Variants in SNX13 observed in about 807,000 individuals in gnomAD.
SNX13 encodes sorting nexin 13.
A neutral mutation model predicts 133.6 loss-of-function variants in SNX13; 45 were observed. The observed-to-expected ratio is 0.34, with a 90% CI of 0.27 to 0.43. SNX13 has a LOEUF of 0.43. Among genes scored for constraint, SNX13 ranks in the 20% least tolerant of loss-of-function variants. The pLI, the probability that SNX13 is intolerant of heterozygous loss-of-function variation, is 1.00. For missense variants in SNX13, 1,032 were observed against 1,145.1 expected (o/e 0.90, Z 1.43); for synonymous variants, 414 against 373.9 (o/e 1.11, Z -1.24).
chr7:17,891,399 G>A (rs1796610857), intron 4 of SNX13, 147 bp downstream of exon 4: 1 of 496,504 alleles, frequency 2.0e-6, no homozygotes, highest in African/African-American at 2.0e-5. Flanking sequence ...AATAAATAAG[G>A]AAGCATCTTC....
intron 1 of SNX13, among the ~76,000 whole-genome samples, chr7:17,939,528 G>C (rs1802517231): frequency 6.6e-6 from 1 of 152,144 alleles, no homozygotes; most frequent in Non-Finnish European, 1.5e-5. Flanking sequence ...TCTTCAAAAA[G>C]TCGGCTTTTT....
At chr7:17,836,564 T>C (rs932630593) in intron 13 of SNX13, among the ~76,000 whole-genome samples, 2 of 152,094 alleles carry the variant, frequency 1.3e-5, no homozygotes, top group East Asian at 3.9e-4. Context: ...TACTTTAATG[T>C]GAAAATATAA....
rs1784861979 is a variant in SNX13, at chr7:17,803,527, T to C, written c.2118A>G (p.Ala706=). 6.2e-7 allele frequency: 1 copy of C among 1,612,294 alleles called. No homozygotes were observed. Among genetic ancestry groups the C allele is most frequent in the Non-Finnish European group, 8.5e-7 (1 of 1,179,194 alleles). ...LRNSMRNVSN[A]VKSLPDSLAE... is the part of the protein sequence containing the mutation. ...CCAAGCTATCAGGAAGGGATTTAAC[T>C]GCATTTGAAACATTCCTCATTGAAT... The change falls in exon 21 of 26, where the codon GCA becomes GCG. Residue 706 remains alanine (A), a synonymous_variant. Coordinates refer to ENST00000428135, the MANE Select transcript of SNX13 (RefSeq NM_015132.5).
chr7:17,914,867 ACATAT>A (rs1415299013), intron 1 of SNX13, among the ~76,000 whole-genome samples: 1 of 152,210 alleles, frequency 6.6e-6, no homozygotes, highest in East Asian at 1.9e-4. Flanking sequence ...ACAAAACCTC[ACATAT>A]CAGTATTACC....
At chr7:17,803,667 C>A (rs751700752) in intron 20 of SNX13, 87 bp from the exon 21 acceptor site, 10 of 1,172,882 alleles carry the variant, frequency 8.5e-6, no homozygotes, top group Non-Finnish European at 1.2e-5. Context: ...TAGAGTGCAA[C>A]ACTGGAAAGA....
chr7:17,910,075 C>A (rs1204914008), intron 1 of SNX13, among the ~76,000 whole-genome samples: 2 of 152,146 alleles, frequency 1.3e-5, no homozygotes, highest in East Asian at 3.9e-4. Flanking sequence ...GAGATCTGAC[C>A]TGTACTTAAG....
At chr7:17,892,373 A>G (rs1257692581) in intron 3 of SNX13, among the ~76,000 whole-genome samples, 1 of 151,994 alleles carries the variant, frequency 6.6e-6, no homozygotes, top group Non-Finnish European at 1.5e-5. Context: ...AATATAATTT[A>G]TTACTGTTAA....
intron 4 of SNX13, among the ~76,000 whole-genome samples, chr7:17,891,322 T>C (rs756532145): frequency 5.3e-4 from 81 of 151,990 alleles, no homozygotes; most frequent in Non-Finnish European, 8.7e-4. Context: ...ATAACAACTT[T>C]TTTTCTAAAT....
intron 24 of SNX13, among the ~76,000 whole-genome samples, chr7:17,797,206 T>A (rs1307154708): frequency 6.6e-6 from 1 of 151,732 alleles, no homozygotes; most frequent in Non-Finnish European, 1.5e-5. Flanking sequence ...GACAGCAAAA[T>A]GGAATATGTA....
At position 17,875,722 on chromosome 7, in the gene SNX13, C is replaced by T. The variant is rs781649296; in HGVS notation, c.509G>A (p.Arg170Gln). The T allele has an allele frequency of 9.9e-6, 16 of 1,612,484 alleles. No homozygotes were observed. In the Admixed American group the frequency reaches 1.2e-4, roughly 12 times the overall value. ...RIVDDFGTHL[R>Q]VFRKAQQKIT... ...TTTCTGTTGAGCCTTTCTGAATACTCGTAAGTGTGTGCCAAAGTCATCTAC... is the reference window on the plus strand; with the variant it reads ...TTTCTGTTGAGCCTTTCTGAATACTTGTAAGTGTGTGCCAAAGTCATCTAC... Residue 170 changes from arginine (R) to glutamine (Q), a missense_variant, in exon 6 of 26, where the codon CGA (arginine) becomes CAA (glutamine). Coordinates refer to ENST00000428135, the MANE Select transcript of SNX13 (RefSeq NM_015132.5).
In SNX13 at chr7:17,939,203, C is replaced by T. The variant is rs185376184; in HGVS notation, c.12+1081G>A. Among the ~76,000 whole-genome samples, 1,500 of 152,296 alleles carry T rather than the reference C, an allele frequency of 9.8e-3. 8 individuals are homozygous for T. Among genetic ancestry groups the T allele is most frequent in the Non-Finnish European group, 0.016 (1,108 of 68,010 alleles). On this transcript the variant is annotated intron_variant, in intron 1 of 25. Transcript: ENST00000428135. ...CTTTTCACAAAATAAAAGCCACTCA[C>T]CTACAAATGTTTGTATTTCCTTTTT...
intron 1 of SNX13, among the ~76,000 whole-genome samples, chr7:17,929,663 T>G (rs1321793087): frequency 2.0e-5 from 3 of 152,154 alleles, no homozygotes; most frequent in Admixed American, 2.0e-4. Flanking sequence ...GTCAGAAAAC[T>G]ACAATAATAG....
At chr7:17,811,075 T>G (rs1583323491) in intron 20 of SNX13, among the ~76,000 whole-genome samples, 1 of 152,272 alleles carries the variant, frequency 6.6e-6, no homozygotes, top group East Asian at 1.9e-4. Context: ...CTGGAAGCAT[T>G]CCCTTTAAAA....
chr7:17,806,635 A>G (rs1223134168), intron 20 of SNX13, among the ~76,000 whole-genome samples: 2 of 152,038 alleles, frequency 1.3e-5, no homozygotes, highest in Non-Finnish European at 2.9e-5. Context: ...AGACGCCATT[A>G]TTAATTAAAA....
intron 5 of SNX13, chr7:17,888,878 C>G (rs1270215741): frequency 2.9e-6 from 1 of 349,834 alleles, no homozygotes; most frequent in Non-Finnish European, 5.7e-6. Context: ...CACTTGCTCA[C>G]AGTCCCATAG....
intron 13 of SNX13, among the ~76,000 whole-genome samples, chr7:17,838,561 T>G (rs888266450): frequency 6.6e-6 from 1 of 151,998 alleles, no homozygotes; most frequent in South Asian, 2.1e-4. Context: ...AAAAAAAGAT[T>G]GTTGATTGTA....
chr7:17,925,409 T>C (rs528324318), intron 1 of SNX13, among the ~76,000 whole-genome samples: 2 of 152,300 alleles, frequency 1.3e-5, no homozygotes, highest in East Asian at 3.9e-4. Flanking sequence ...GTGAATTGCA[T>C]GGTATATGAA....
At chr7:17,818,076 A>T (rs2128300092) in intron 18 of SNX13, among the ~76,000 whole-genome samples, 1 of 152,328 alleles carries the variant, frequency 6.6e-6, no homozygotes, top group African/African-American at 2.4e-5. Context: ...ACAGGAATGC[A>T]TCACATAGAG....
intron 12 of SNX13, among the ~76,000 whole-genome samples, chr7:17,842,649 A>G (rs1790034484): frequency 6.6e-6 from 1 of 152,090 alleles, no homozygotes; most frequent in Non-Finnish European, 1.5e-5. Context: ...AAAATCAACT[A>G]TCAGTCTGAA....
Sources: allele counts gnomAD v4.1 joint callset (sites outside exome capture counted in the v4.1 genomes callset), GRCh38; gene constraint gnomAD v4.1.1; transcripts MANE v1.5; gene names NCBI Gene and HGNC (gene_info 2026-07-23, HGNC 2026-07-21).